UGCG: variants seen among roughly 807,000 people sequenced by gnomAD.
The protein encoded by UGCG is UDP-glucose ceramide glucosyltransferase.
UGCG carries 10 observed loss-of-function variants against 49.5 expected under a neutral mutation model. That is an observed-to-expected ratio of 0.20 (90% confidence interval 0.12 to 0.34). The LOEUF is 0.34. Among genes scored for constraint, UGCG ranks in the 10% least tolerant of loss-of-function variants. The pLI, the probability that UGCG is intolerant of heterozygous loss-of-function variation, is 1.00. For missense variants in UGCG, 312 were observed against 483.7 expected, an observed-to-expected ratio of 0.65 and a Z score of 3.33; for synonymous variants, 182 against 158.2, an observed-to-expected ratio of 1.15 and a Z score of -1.13.
intron 7 of UGCG, 102 bp from the exon 8 acceptor site, chr9:111,932,064 GTCTT>G (rs776269142): frequency 2.1e-5 from 25 of 1,181,768 alleles, no homozygotes; most frequent in South Asian, 6.1e-5. Context: ...AAAGAGAATG[GTCTT>G]TCTATCACAG....
chr9:111,923,960 T>C (rs1161829474), intron 3 of UGCG, among the ~76,000 whole-genome samples: 1 of 152,118 alleles, frequency 6.6e-6, no homozygotes, highest in Admixed American at 6.5e-5. Context: ...CAGCTAATTT[T>C]TTTGTATTTT....
chr9:111,924,933 T>C (rs543545030), intron 4 of UGCG, 55 bp downstream of exon 4: 1 of 1,101,392 alleles, frequency 9.1e-7, no homozygotes, highest in Admixed American at 3.3e-5. Flanking sequence ...GATAAAATGC[T>C]AAAAGCAATC....
At chr9:111,919,709 G>A (rs1203473090) in intron 2 of UGCG, among the ~76,000 whole-genome samples, 5 of 146,608 alleles carry the variant, frequency 3.4e-5, no homozygotes, top group Non-Finnish European at 1.5e-5. Flanking sequence ...GCAGGAGAAT[G>A]GCGTGAACCC....
rs1382144734 is a variant in UGCG at position 111,934,868 on chromosome 9, A to AC, written c.*1874dup. On this transcript the variant is annotated 3_prime_UTR_variant, in exon 9 of 9. Transcript: ENST00000374279. ...CACAGTGAAAACCAGTCTGGTTGTG[A>AC]CCCACTACATGTTTTGTTTTTAATC... 1 of 152,090 alleles carries AC rather than the reference A, an allele frequency of 6.6e-6. No homozygotes were observed. Among genetic ancestry groups the AC allele is most frequent in the Non-Finnish European group, 1.5e-5 (1 of 68,026 alleles). 9.4% of individuals were successfully genotyped at this position (152,090 alleles called of 1,614,324 possible). A position where few individuals can be genotyped will look rare whatever the true frequency, so the allele number is the denominator to read the frequency against.
chr9:111,904,637 G>A (rs1428920167), intron 1 of UGCG, among the ~76,000 whole-genome samples: 1 of 152,180 alleles, frequency 6.6e-6, no homozygotes, highest in African/African-American at 2.4e-5. Flanking sequence ...GAGGCAGGTG[G>A]ATCACCTGAG....
chr9:111,931,838 G>A (rs1172567689), intron 7 of UGCG, among the ~76,000 whole-genome samples: 2 of 152,004 alleles, frequency 1.3e-5, no homozygotes, highest in African/African-American at 4.8e-5. Flanking sequence ...ACCAGCCTGG[G>A]CAAAATGGTG....
At chr9:111,931,397 A>G (rs780348806) in intron 7 of UGCG, 40 bp downstream of exon 7, 4 of 1,590,880 alleles carry the variant, frequency 2.5e-6, no homozygotes, top group Non-Finnish European at 3.4e-6. Context: ...GTTAAAAGGA[A>G]AGTGGGGAGG....
intron 5 of UGCG, among the ~76,000 whole-genome samples, chr9:111,926,816 TCAA>T (rs1564204908): frequency 6.6e-6 from 1 of 150,800 alleles, no homozygotes; most frequent in African/African-American, 2.4e-5. Flanking sequence ...TATTGTTCTT[TCAA>T]ACATTCGATC....
chr9:111,931,890 G>A (rs1838431991), intron 7 of UGCG, among the ~76,000 whole-genome samples: 1 of 152,044 alleles, frequency 6.6e-6, no homozygotes, highest in African/African-American at 2.4e-5. Context: ...AGCCAGGTGT[G>A]GTGGCGTGTA....
At chr9:111,926,980 C>T (rs552564380) in intron 5 of UGCG, among the ~76,000 whole-genome samples, 1 of 136,816 alleles carries the variant, frequency 7.3e-6, no homozygotes, top group African/African-American at 2.7e-5. Flanking sequence ...TCAAACGATT[C>T]TTCTGCCTCA....
At position 111,932,899 on chromosome 9, in the gene UGCG, A is replaced by AT. The variant is rs1243652090; in HGVS notation, c.1094dup (p.Leu365PhefsTer36). The AT allele has an allele frequency of 6.2e-7, 1 of 1,612,484 alleles. No homozygotes were observed. On this transcript the variant is annotated frameshift_variant, in exon 9 of 9. Coordinates refer to ENST00000374279, the MANE Select transcript of UGCG (RefSeq NM_003358.3). LOFTEE classifies it high-confidence loss of function. ...CATCCGCGAATCCATGACAATATAC[A>AT]TTTTTTTGTCTGCATTATGGGACCC...
At chr9:111,905,390 A>G (rs1837862238) in intron 1 of UGCG, among the ~76,000 whole-genome samples, 1 of 151,738 alleles carries the variant, frequency 6.6e-6, no homozygotes, top group Admixed American at 6.6e-5. Context: ...CCCTTCTGTC[A>G]CTTTACTTGC....
intron 2 of UGCG, among the ~76,000 whole-genome samples, chr9:111,921,845 C>CT (rs1448308310): frequency 7.2e-5 from 5 of 68,990 alleles, no homozygotes; most frequent in Non-Finnish European, 1.1e-4. Flanking sequence ...GGGTCTCACT[C>CT]TGTTTCCCAG....
chr9:111,921,802 ATTTTTT>A lies in UGCG; in HGVS notation c.241-1026_241-1021del, dbSNP rs71373800. Among the ~76,000 whole-genome samples the A allele has an allele frequency of 7.7e-3, 429 of 55,524 alleles. 7 individuals are homozygous for A. Among genetic ancestry groups the A allele is most frequent in the Middle Eastern group, 0.013 (1 of 80 alleles). 36.4% of individuals were successfully genotyped at this position (55,524 alleles called of 152,430 possible). ...TTTTTAAAATAAATGCCCCAGGGTGATTTTTTTTTTTTTTTTTTTTTTTTTTGAGGC... is the reference window on the plus strand; with the variant it reads ...TTTTTAAAATAAATGCCCCAGGGTGATTTTTTTTTTTTTTTTTTTTGAGGC... On this transcript the variant is annotated intron_variant, in intron 2 of 8. Transcript: ENST00000374279.
intron 2 of UGCG, among the ~76,000 whole-genome samples, chr9:111,920,656 G>T (rs1482986818): frequency 1.3e-5 from 2 of 152,148 alleles, no homozygotes; most frequent in Non-Finnish European, 2.9e-5. Flanking sequence ...GAGCCACCAC[G>T]CCTGGCCCAC....
chr9:111,912,381 C>A (rs1345441158), intron 1 of UGCG, among the ~76,000 whole-genome samples: 1 of 151,910 alleles, frequency 6.6e-6, no homozygotes, highest in East Asian at 1.9e-4. Flanking sequence ...AGTTCGAGAC[C>A]AGCCTGGCCA....
At chr9:111,916,127 T>G (rs1273829388) in intron 2 of UGCG, among the ~76,000 whole-genome samples, 1 of 150,096 alleles carries the variant, frequency 6.7e-6, no homozygotes, top group Non-Finnish European at 1.5e-5. Flanking sequence ...GAGAAAGATA[T>G]AAATAAAATT....
At chr9:111,901,235 GT>G (rs1487107530) in intron 1 of UGCG, among the ~76,000 whole-genome samples, 1 of 152,192 alleles carries the variant, frequency 6.6e-6, no homozygotes, top group Non-Finnish European at 1.5e-5. Flanking sequence ...AACTGGTTAT[GT>G]TTTTCATGTA....
chr9:111,921,801 G>GTTTTTTTTTTTTTTTT (rs1564203243), intron 2 of UGCG, among the ~76,000 whole-genome samples: 3 of 48,060 alleles, frequency 6.2e-5, no homozygotes, highest in African/African-American at 9.2e-5. Context: ...GCCCCAGGGT[G>GTTTTTTTTTTTTTTTT]ATTTTTTTTT....
Sources: allele counts gnomAD v4.1 joint callset (sites outside exome capture counted in the v4.1 genomes callset), GRCh38; gene constraint gnomAD v4.1.1; transcripts MANE v1.5; gene names NCBI Gene and HGNC (gene_info 2026-07-23, HGNC 2026-07-21).